The following GOSR2 variants were observed in gnomAD, a reference collection of about 807,000 sequenced individuals.
GOSR2 encodes the protein golgi SNAP receptor complex member 2.
Under a neutral mutation model 27.9 loss-of-function variants are expected in GOSR2, and 20 were observed. That is an observed-to-expected ratio of 0.72 (90% CI 0.50 to 1.04). The LOEUF is 1.04. Among genes scored for constraint, GOSR2 ranks in the 50% least tolerant of loss-of-function variants. The probability of loss-of-function intolerance (pLI) is 0.00; values close to 1 mark genes in which losing one functional copy is unlikely to be tolerated. For missense variants in GOSR2, 261 were observed against 270.5 expected (o/e 0.97, Z 0.25); for synonymous variants, 91 against 98.8 (o/e 0.92, Z 0.47).
intron 6 of GOSR2, among the ~76,000 whole-genome samples, chr17:46,958,971 A>G (rs1271406798): frequency 6.6e-6 from 1 of 152,230 alleles, no homozygotes; most frequent in East Asian, 1.9e-4. Context: ...TTTTACCAAA[A>G]TCACTGCCAA....
In GOSR2 at chr17:46,939,312, C is replaced by T. The variant is rs1272001900; in HGVS notation, c.*552C>T. The T allele has an allele frequency of 2.0e-6, 2 of 1,012,574 alleles. No individual in the cohort carries two copies. Among genetic ancestry groups the T allele is most frequent in the South Asian group, 4.1e-5 (1 of 24,276 alleles). 62.7% of individuals were successfully genotyped at this position (1,012,574 alleles called of 1,614,324 possible). A position where few individuals can be genotyped will look rare whatever the true frequency, so the allele number is the denominator to read the frequency against. ...ATGACTGACTGCCAATACTTGTCAC[C>T]ATTCCCTGGAAGCAGCTACCTAGGG... On this transcript the variant is annotated 3_prime_UTR_variant, in exon 6 of 6. Coordinates refer to ENST00000640051, the MANE Select transcript of GOSR2 (RefSeq NM_004287.5).
chr17:46,934,355 G>GAGAA (rs566143992), intron 4 of GOSR2, among the ~76,000 whole-genome samples: 15 of 152,192 alleles, frequency 9.9e-5, no homozygotes, highest in Middle Eastern at 3.4e-3. Context: ...ATACAAAAAA[G>GAGAA]AGAAAGAAAG....
In GOSR2 at chr17:46,941,831, C is replaced by A; in HGVS notation, c.*3071C>A. On this transcript the variant is annotated 3_prime_UTR_variant, in exon 6 of 6. Transcript: ENST00000640051. ...AAACTCCTGGCCTCAAGTGATCTGC[C>A]TGCTTCGGCCTCCCAAAGTTCTAGG... 1.8e-6 allele frequency: 1 copy of A among 568,896 alleles called. No individual in the cohort carries two copies. The highest frequency in any genetic ancestry group is 2.2e-6 in the Non-Finnish European group (1 of 449,150). The allele number at this position is 568,896 out of a possible 1,614,324, so 35.2% of individuals were successfully genotyped here. A position where few individuals can be genotyped will look rare whatever the true frequency, so the allele number is the denominator to read the frequency against.
intron 6 of GOSR2, among the ~76,000 whole-genome samples, chr17:46,953,059 T>G (rs1319703318): frequency 6.6e-6 from 1 of 152,128 alleles, no homozygotes; most frequent in Non-Finnish European, 1.5e-5. Context: ...TATTTTATTA[T>G]TATTTTACGT....
At chr17:46,928,822 A>C (rs551765861) in intron 1 of GOSR2, among the ~76,000 whole-genome samples, 3 of 151,840 alleles carry the variant, frequency 2.0e-5, no homozygotes, top group African/African-American at 7.3e-5. Context: ...ATTTTCTTCT[A>C]TCTTCCTTCA....
chr17:46,934,416 G>A (rs1299737017), intron 4 of GOSR2, among the ~76,000 whole-genome samples: 3 of 152,158 alleles, frequency 2.0e-5, no homozygotes, highest in Non-Finnish European at 2.9e-5. Flanking sequence ...CAGCTACTCA[G>A]AAGGCTGAGG....
downstream of GOSR2, among the ~76,000 whole-genome samples, chr17:46,970,234 C>T (rs1217058258): frequency 6.6e-6 from 1 of 152,174 alleles, no homozygotes; most frequent in South Asian, 2.1e-4. Context: ...CATTAAGATG[C>T]TTCCTGCAAA....
intron 1 of GOSR2, among the ~76,000 whole-genome samples, chr17:46,927,791 G>A (rs16941280): frequency 0.014 from 2,080 of 152,158 alleles, 42 homozygotes; most frequent in African/African-American, 0.048. Context: ...TGGCAGGTGG[G>A]ACAAGTCATT....
intron 2 of GOSR2, chr17:46,930,805 T>G: frequency 2.8e-6 from 1 of 356,176 alleles, no homozygotes; most frequent in Non-Finnish European, 5.2e-6. Flanking sequence ...TTGGACAACC[T>G]TTGCATGTTT....
At chr17:46,962,792 A>G (rs2091138578) in intron 6 of GOSR2, among the ~76,000 whole-genome samples, 2 of 152,230 alleles carry the variant, frequency 1.3e-5, no homozygotes, top group Non-Finnish European at 2.9e-5. Flanking sequence ...AACCTGCAGG[A>G]TCATGAAAGA....
At chr17:46,962,434 C>G (rs2091114340) in intron 6 of GOSR2, among the ~76,000 whole-genome samples, 1 of 152,092 alleles carries the variant, frequency 6.6e-6, no homozygotes, top group Non-Finnish European at 1.5e-5. Flanking sequence ...CCTCACACAT[C>G]AAATCTGGAC....
intron 5 of GOSR2, 38 bp downstream of exon 5, chr17:46,935,207 G>A (rs771536805): frequency 6.2e-7 from 1 of 1,612,916 alleles, no homozygotes; most frequent in Non-Finnish European, 8.5e-7. Flanking sequence ...AAGGCCTCTT[G>A]TTTTAGCCTC....
At chr17:46,947,261 C>T (rs1220419907) in intron 6 of GOSR2, among the ~76,000 whole-genome samples, 2 of 152,168 alleles carry the variant, frequency 1.3e-5, no homozygotes, top group African/African-American at 4.8e-5. Flanking sequence ...GCAGCCTCCT[C>T]TTTGGTGTAT....
At chr17:46,924,138 G>T (rs1278130754) in intron 1 of GOSR2, 1 of 328,444 alleles carries the variant, frequency 3.0e-6, no homozygotes, top group Non-Finnish European at 5.5e-6. Context: ...CTTCCTTCCA[G>T]AACACCTAGT....
At chr17:46,974,363 G>T (rs1337806898) in intron 6 of GOSR2, among the ~76,000 whole-genome samples, 1 of 152,246 alleles carries the variant, frequency 6.6e-6, no homozygotes, top group African/African-American at 2.4e-5. Flanking sequence ...TCAGTAAACA[G>T]AATCTTAATT....
At chr17:46,927,369 T>C (rs1241267912) in intron 1 of GOSR2, among the ~76,000 whole-genome samples, 1 of 152,254 alleles carries the variant, frequency 6.6e-6, no homozygotes, top group East Asian at 1.9e-4. Context: ...TTTTTTGTTT[T>C]CATGTTGTCA....
chr17:46,935,238 T>C (rs1238852909), intron 5 of GOSR2, 69 bp downstream of exon 5: 2 of 1,609,790 alleles, frequency 1.2e-6, no homozygotes, highest in Non-Finnish European at 1.7e-6. Context: ...TTAGTAACTG[T>C]GTTTATATTT....
intron 6 of GOSR2, among the ~76,000 whole-genome samples, chr17:46,958,814 A>T (rs923137044): frequency 6.6e-6 from 1 of 152,224 alleles, no homozygotes; most frequent in African/African-American, 2.4e-5. Flanking sequence ...CTGACACATG[A>T]CATAGGTTAG....
At chr17:46,972,783 C>T (rs1266046937) in intron 6 of GOSR2, among the ~76,000 whole-genome samples, 1 of 152,064 alleles carries the variant, frequency 6.6e-6, no homozygotes, top group African/African-American at 2.4e-5. Flanking sequence ...CTCAATCTCC[C>T]GTGTGGACGA....
Sources: allele counts gnomAD v4.1 joint callset (sites outside exome capture counted in the v4.1 genomes callset), GRCh38; gene constraint gnomAD v4.1.1; transcripts MANE v1.5; gene names NCBI Gene and HGNC (gene_info 2026-07-23, HGNC 2026-07-21).